The following ZNF571 variants were observed in gnomAD, a reference collection of about 807,000 sequenced individuals.
The protein encoded by ZNF571 is zinc finger protein 571.
Under a neutral mutation model 7.7 loss-of-function variants are expected in ZNF571, and 4 were observed. That is an observed-to-expected ratio of 0.52 (90% CI 0.25 to 1.18). The LOEUF (loss-of-function observed/expected upper bound fraction) is 1.18. Ranked by LOEUF, ZNF571 falls within the 50% of genes most tolerant of loss-of-function variation. The pLI is 0.14. For synonymous variants in ZNF571, 251 were observed against 232.4 expected (o/e 1.08, Z -0.73); for missense variants, 704 against 726.9 (o/e 0.97, Z 0.36).
chr19:37,574,733 A>C (rs2043185225), intron 3 of ZNF571, among the ~76,000 whole-genome samples: 2 of 152,160 alleles, frequency 1.3e-5, no homozygotes, highest in Non-Finnish European at 2.9e-5. Context: ...CTAACTTCCA[A>C]ATGATAGTTT....
In ZNF571 at chr19:37,565,441, A is replaced by G; in HGVS notation, c.987T>C (p.His329=). ...TACATATGTAAGGCTTTTCACCAGT[A>G]TGAACTCTCTGATGGTATGTAAGGT... ...GSHLTYHQRV[H]TGEKPYICKE... is the part of the protein sequence containing the mutation. The change falls in exon 4 of 4, where the codon CAT becomes CAC. Residue 329 remains histidine (H), a synonymous_variant. Transcript: ENST00000451802. 1 of 1,613,276 alleles carries G rather than the reference A, an allele frequency of 6.2e-7. No individual in the cohort carries two copies. Among genetic ancestry groups the G allele is most frequent in the Non-Finnish European group, 8.5e-7 (1 of 1,179,724 alleles).
chr19:37,591,114 C>A (rs555956705), intron 1 of ZNF571, among the ~76,000 whole-genome samples: 1 of 152,098 alleles, frequency 6.6e-6, no homozygotes, highest in African/African-American at 2.4e-5. Flanking sequence ...AGCTTTGTTC[C>A]CTGAAATGGC....
intron 3 of ZNF571, among the ~76,000 whole-genome samples, chr19:37,579,355 G>A (rs1287873302): frequency 6.6e-6 from 1 of 152,150 alleles, no homozygotes; most frequent in Non-Finnish European, 1.5e-5. Context: ...ATTTCCCCCA[G>A]GGCCTGAGGT....
chr19:37,566,209 C>G lies in ZNF571; in HGVS notation c.219G>C (p.Met73Ile). ...YEMESLQWEN[M>I]GKRINHHLQY... ...GAAGGTGATGGTTGATACGTTTCCC[C>G]ATATTCTCCCACTGGAGTGATTCCA... is the stretch of plus-strand genomic sequence containing the variant. Residue 73 changes from methionine (M) to isoleucine (I), a missense_variant, in exon 4 of 4, where the codon ATG (methionine) becomes ATC (isoleucine). By Grantham distance (10) the Met-to-Ile change is conservative. Coordinates refer to ENST00000451802, the MANE Select transcript of ZNF571 (RefSeq NM_016536.5). 6.2e-7 allele frequency: 1 copy of G among 1,613,948 alleles called. No homozygotes were observed. Among genetic ancestry groups the G allele is most frequent in the Non-Finnish European group, 8.5e-7 (1 of 1,179,902 alleles).
At chr19:37,581,351 G>A (rs1184873516) in intron 3 of ZNF571, among the ~76,000 whole-genome samples, 3 of 151,930 alleles carry the variant, frequency 2.0e-5, no homozygotes, top group Non-Finnish European at 2.9e-5. Context: ...ACAGCAACAC[G>A]TCTTAAAGCA....
At chr19:37,589,378 TTAAA>T (rs1231132898) in intron 1 of ZNF571, among the ~76,000 whole-genome samples, 1 of 151,668 alleles carries the variant, frequency 6.6e-6, no homozygotes, top group African/African-American at 2.4e-5. Flanking sequence ...TATGCGCAAC[TTAAA>T]TAAAAAACAG....
intron 3 of ZNF571, among the ~76,000 whole-genome samples, chr19:37,576,862 C>T (rs1374571365): frequency 6.6e-6 from 1 of 152,058 alleles, no homozygotes; most frequent in Non-Finnish European, 1.5e-5. Flanking sequence ...CACCAGAGTA[C>T]TACCAGCAAC....
chr19:37,584,737 C>T (rs1404661398), intron 2 of ZNF571, among the ~76,000 whole-genome samples: 2 of 151,834 alleles, frequency 1.3e-5, no homozygotes, highest in African/African-American at 4.8e-5. Flanking sequence ...CCGAGGCGGG[C>T]GGATCACGAG....
chr19:37,583,288 A>G (rs1434337795), intron 3 of ZNF571, among the ~76,000 whole-genome samples: 4 of 152,364 alleles, frequency 2.6e-5, no homozygotes, highest in South Asian at 2.1e-4. Context: ...AAGTTTAACT[A>G]TAAAAGAGCA....
chr19:37,590,222 C>T (rs1799101489), intron 1 of ZNF571, among the ~76,000 whole-genome samples: 1 of 151,552 alleles, frequency 6.6e-6, no homozygotes, highest in Non-Finnish European at 1.5e-5. Flanking sequence ...CTGGCTAACA[C>T]AGTGAAACCC....
chr19:37,565,603 A>G lies in ZNF571; in HGVS notation c.825T>C (p.Gly275=). The change falls in exon 4 of 4, where the codon GGT becomes GGC. Residue 275 remains glycine, a synonymous_variant. Transcript: ENST00000451802. ...AATCCTTACATTCATAGGGTTTTTC[A>G]CCACTATGAATTCTCTGATGAAGAG... The part of the protein sequence containing the change: ...QYTLHQRIHS[G]EKPYECKDCG... The G allele has an allele frequency of 6.2e-7, 1 of 1,613,068 alleles. No homozygotes were observed. The highest frequency in any genetic ancestry group is 2.2e-5 in the East Asian group (1 of 44,786).
At position 37,579,524 on chromosome 19, in the gene ZNF571, T is replaced by C. The variant is rs184372873; in HGVS notation, c.136+4447A>G. On this transcript the variant is annotated intron_variant, in intron 3 of 3. Coordinates refer to ENST00000451802, the MANE Select transcript of ZNF571 (RefSeq NM_016536.5). ...CCCTATTCAATAAATGGTGCTGGGA[T>C]AACTGGCTAGCCATATGCAGAAGAA... 3.7e-3 allele frequency among the ~76,000 whole-genome samples: 553 copies of C among 150,110 alleles called. 5 individuals carry two copies. The highest frequency in any genetic ancestry group is 3.3e-3 in the Non-Finnish European group (223 of 67,756).
At chr19:37,573,974 C>T (rs1286479002) in intron 3 of ZNF571, among the ~76,000 whole-genome samples, 2 of 152,178 alleles carry the variant, frequency 1.3e-5, no homozygotes, top group Admixed American at 1.3e-4. Context: ...AAACCTAGGT[C>T]TCCTAATTGT....
chr19:37,572,868 C>T (rs2043112243), intron 3 of ZNF571, among the ~76,000 whole-genome samples: 1 of 152,160 alleles, frequency 6.6e-6, no homozygotes, highest in Non-Finnish European at 1.5e-5. Flanking sequence ...CTATTTCCAA[C>T]CCTAATATTT....
chr19:37,590,015 G>C (rs1414728790), intron 1 of ZNF571, among the ~76,000 whole-genome samples: 3 of 151,894 alleles, frequency 2.0e-5, no homozygotes, highest in Admixed American at 6.6e-5. Context: ...TCCAGGAATT[G>C]TTTTCCATTA....
chr19:37,592,779 C>T (rs1175573585), intron 1 of ZNF571, among the ~76,000 whole-genome samples: 1 of 152,052 alleles, frequency 6.6e-6, no homozygotes, highest in South Asian at 2.1e-4. Flanking sequence ...TATGAAGGAA[C>T]GGAAAACAAA....
At chr19:37,590,129 GCA>G (rs56169880) in intron 1 of ZNF571, among the ~76,000 whole-genome samples, 117,466 of 151,630 alleles carry the variant, frequency 0.77, 45,611 homozygotes, top group South Asian at 0.87. Context: ...AAGGAGCTGG[GCA>G]TGCGGTGGCT....
chr19:37,566,101 A>G lies in ZNF571; in HGVS notation c.327T>C (p.Cys109=), dbSNP rs764247062. The change falls in exon 4 of 4, where the codon TGT becomes TGC. Residue 109 remains cysteine, a synonymous_variant. Transcript: ENST00000451802. ...CCTTTTCTTCACAGGTAATTTTGAC[A>G]CACATGTAAAGCCCTTCCTGACTTG... The part of the protein sequence containing the change: ...QEASQEGLYM[C]VKITCEEKAT... 6.2e-7 allele frequency: 1 copy of G among 1,614,052 alleles called. No homozygotes were observed. Among genetic ancestry groups the G allele is most frequent in the Non-Finnish European group, 8.5e-7 (1 of 1,179,934 alleles).
At chr19:37,591,606 G>A (rs778941646) in intron 1 of ZNF571, among the ~76,000 whole-genome samples, 12 of 152,146 alleles carry the variant, frequency 7.9e-5, no homozygotes, top group South Asian at 4.1e-4. Context: ...GTGCAATGGC[G>A]CAATCTCGGC....
Sources: allele counts gnomAD v4.1 joint callset (sites outside exome capture counted in the v4.1 genomes callset), GRCh38; gene constraint gnomAD v4.1.1; transcripts MANE v1.5; gene names NCBI Gene and HGNC (gene_info 2026-07-23, HGNC 2026-07-21).